UGT1A8: variants seen among roughly 807,000 people sequenced by gnomAD.
UGT1A8 encodes UDP-glucuronosyltransferase 1A8.
In UGT1A8, 39 loss-of-function variants were observed where a neutral mutation model predicts 45.3. That is an observed-to-expected ratio of 0.86 (90% CI 0.67 to 1.12). The LOEUF (loss-of-function observed/expected upper bound fraction) is 1.12, where lower values mean the gene tolerates loss of function less well. UGT1A8 is among the 50% of genes most tolerant of loss of function. The pLI is 0.00. For synonymous variants in UGT1A8, 275 were observed against 249.2 expected (o/e 1.10, Z -0.97); for missense variants, 719 against 664.9 (o/e 1.08, Z -0.90).
chr2:233,625,515 A>T (rs2125450769), intron 1 of UGT1A8, among the ~76,000 whole-genome samples: 1 of 152,260 alleles, frequency 6.6e-6, no homozygotes, highest in Non-Finnish European at 1.5e-5. Flanking sequence ...AGCTCTATTC[A>T]GAATAGAAAA....
intron 1 of UGT1A8, among the ~76,000 whole-genome samples, chr2:233,757,066 C>A (rs1244177013): frequency 2.6e-5 from 4 of 151,164 alleles, no homozygotes; most frequent in Non-Finnish European, 4.4e-5. Context: ...AGCAAGGGAT[C>A]CAGAATGGCT....
intron 1 of UGT1A8, chr2:233,682,795 A>G (rs756686754): frequency 4.3e-6 from 7 of 1,611,214 alleles, no homozygotes; most frequent in Admixed American, 1.7e-5. Flanking sequence ...TGCCTATGGT[A>G]AGTTATCTCC....
rs11568317 is a variant in UGT1A8 at position 233,757,117 on chromosome 2, A to G, written c.856-9917A>G. ...GAGGGAGGGGGCAAGCAGAAGGGCT[A>G]GAGAGGAGGAATGAGCTTGGACAGG... On this transcript the variant is annotated intron_variant, in intron 1 of 4. Transcript: ENST00000373450. Among the ~76,000 whole-genome samples, 108 of 151,324 alleles carry G rather than the reference A, an allele frequency of 7.1e-4. 1 individual carries two copies. In the East Asian group the frequency reaches 0.02, roughly 28 times the overall value.
chr2:233,736,493 C>T (rs1043320010), intron 1 of UGT1A8, among the ~76,000 whole-genome samples: 3 of 152,222 alleles, frequency 2.0e-5, no homozygotes, highest in Non-Finnish European at 2.9e-5. Flanking sequence ...TACTACCAAA[C>T]TTCTGAAGCC....
At chr2:233,678,744 G>A (rs2125514410) in intron 1 of UGT1A8, among the ~76,000 whole-genome samples, 2 of 147,948 alleles carry the variant, frequency 1.4e-5, no homozygotes, top group African/African-American at 4.9e-5. Context: ...TGATTGGAAA[G>A]CACTCATCTC....
intron 1 of UGT1A8, among the ~76,000 whole-genome samples, chr2:233,629,949 A>C (rs561904401): frequency 6.6e-6 from 1 of 152,162 alleles, no homozygotes; most frequent in African/African-American, 2.4e-5. Flanking sequence ...ACATTTTAAC[A>C]TCTGTAGAAT....
At chr2:233,743,810 G>C (rs765761325) in intron 1 of UGT1A8, 1 of 1,367,316 alleles carries the variant, frequency 7.3e-7, no homozygotes, top group Non-Finnish European at 9.8e-7. Flanking sequence ...CTTGTTCTCA[G>C]GGTTTTTGTC....
At chr2:233,637,830 CTTT>C (rs1372306691) in intron 1 of UGT1A8, among the ~76,000 whole-genome samples, 1 of 152,106 alleles carries the variant, frequency 6.6e-6, no homozygotes, top group African/African-American at 2.4e-5. Context: ...ACATATTCTT[CTTT>C]ATCTTGCATT....
In UGT1A8 at chr2:233,755,690, C is replaced by T. The variant is rs58069490; in HGVS notation, c.856-11344C>T. 7.1e-3 allele frequency: 1,102 copies of T among 155,734 alleles called. 14 individuals carry two copies. Among genetic ancestry groups the T allele is most frequent in the African/African-American group, 0.021 (857 of 41,546 alleles). The allele number at this position is 155,734 out of a possible 1,614,324, so 9.6% of individuals were successfully genotyped here. The stretch of plus-strand genomic sequence containing the variant: ...GTGGTGGGAGTGAGTTTAGTCTGAC[C>T]GGGGCTGAAGACATCCTGTTGTTTA... On this transcript the variant is annotated intron_variant, in intron 1 of 4. Transcript: ENST00000373450.
chr2:233,643,108 G>A (rs138858511), intron 1 of UGT1A8, among the ~76,000 whole-genome samples: 201 of 152,340 alleles, frequency 1.3e-3, no homozygotes, highest in South Asian at 8.9e-3. Context: ...AGGTGATACA[G>A]CCAGCCAGAC....
intron 1 of UGT1A8, among the ~76,000 whole-genome samples, chr2:233,660,222 T>A (rs1365725731): frequency 6.6e-6 from 1 of 152,230 alleles, no homozygotes; most frequent in Non-Finnish European, 1.5e-5. Flanking sequence ...CCTTCTAGAT[T>A]TTCATGATGT....
chr2:233,710,339 G>A (rs922089291), intron 1 of UGT1A8, among the ~76,000 whole-genome samples: 1 of 152,176 alleles, frequency 6.6e-6, no homozygotes, highest in Non-Finnish European at 1.5e-5. Flanking sequence ...AGAAACAGTC[G>A]AACTGTTTCC....
At chr2:233,680,088 G>C (rs563682617) in intron 1 of UGT1A8, among the ~76,000 whole-genome samples, 38 of 151,554 alleles carry the variant, frequency 2.5e-4, no homozygotes, top group Non-Finnish European at 5.0e-4. Context: ...TTTTGAAATG[G>C]CAGGCAATCA....
chr2:233,625,033 A>G (rs2073067071), intron 1 of UGT1A8, among the ~76,000 whole-genome samples: 1 of 152,152 alleles, frequency 6.6e-6, no homozygotes, highest in Non-Finnish European at 1.5e-5. Flanking sequence ...CTCGAAAAAC[A>G]TAACTACTAA....
intron 1 of UGT1A8, among the ~76,000 whole-genome samples, chr2:233,621,305 G>T (rs1017026483): frequency 6.6e-6 from 1 of 152,186 alleles, no homozygotes; most frequent in Non-Finnish European, 1.5e-5. Context: ...AAAAGAGGAA[G>T]TCACTCCTAG....
chr2:233,729,416 C>G, intron 1 of UGT1A8: 1 of 1,613,628 alleles, frequency 6.2e-7, no homozygotes, highest in Non-Finnish European at 8.5e-7. Flanking sequence ...CTGGGCCACA[C>G]TCAACTGTAC....
chr2:233,619,733 G>T (rs777189661), intron 1 of UGT1A8, among the ~76,000 whole-genome samples: 1 of 151,834 alleles, frequency 6.6e-6, no homozygotes, highest in Non-Finnish European at 1.5e-5. Flanking sequence ...TGGTTTTTGC[G>T]TATGTATCTT....
intron 1 of UGT1A8, among the ~76,000 whole-genome samples, chr2:233,663,068 C>T (rs573405088): frequency 6.6e-6 from 1 of 152,274 alleles, no homozygotes; most frequent in South Asian, 2.1e-4. Flanking sequence ...ACCAACACCA[C>T]CATTCATCTG....
chr2:233,756,324 A>G lies in UGT1A8; in HGVS notation c.856-10710A>G, dbSNP rs548800161. On this transcript the variant is annotated intron_variant, in intron 1 of 4. Coordinates refer to ENST00000373450, the MANE Select transcript of UGT1A8 (RefSeq NM_019076.5). The stretch of plus-strand genomic sequence containing the variant: ...ATAACCTACCCATATCCTCCTTTAA[A>G]CCTCTAGTCATCTCTTGATTACTTT... 5.1e-4 allele frequency: 77 copies of G among 152,086 alleles called. 1 individual carries two copies. Among genetic ancestry groups the G allele is most frequent in the Middle Eastern group, 3.4e-3 (1 of 294 alleles). 9.4% of individuals were successfully genotyped at this position (152,086 alleles called of 1,614,324 possible).
Sources: gnomAD v4.1 joint callset for allele counts (sites outside exome capture counted in the v4.1 genomes callset) on GRCh38, gnomAD v4.1.1 for gene constraint, MANE v1.5 for transcripts, NCBI Gene and HGNC (gene_info 2026-07-23, HGNC 2026-07-21) for gene names.